Variants in SLC1A2 observed in about 807,000 individuals in gnomAD.
The protein encoded by SLC1A2 is solute carrier family 1 member 2.
SLC1A2 carries 15 observed loss-of-function variants against 48.8 expected under a neutral mutation model. The observed-to-expected ratio is 0.31, with a 90% CI of 0.21 to 0.47. SLC1A2 has a LOEUF of 0.47. Ranked by LOEUF, SLC1A2 falls within the 20% of genes least tolerant of loss-of-function variation. The pLI, the probability that SLC1A2 is intolerant of heterozygous loss-of-function variation, is 0.99. For synonymous variants in SLC1A2, 279 were observed against 272.6 expected, an observed-to-expected ratio of 1.02 and a Z score of -0.23; for missense variants, 502 against 730.5, an observed-to-expected ratio of 0.69 and a Z score of 3.61.
Position 35,304,812 on chromosome 11 carries a change from CT to C in SLC1A2, c.730+1261del, listed in dbSNP as rs377756413. Among the ~76,000 whole-genome samples, 1,462 of 151,406 alleles carry C rather than the reference CT, an allele frequency of 9.7e-3. 26 individuals are homozygous for C. Among genetic ancestry groups the C allele is most frequent in the African/African-American group, 0.033 (1,343 of 41,276 alleles). ...TTGAATTTCAGGTAAAAAATGAATA[CT>C]TTTTTTTTAGTATTATTATGTCCCA... On this transcript the variant is annotated intron_variant, in intron 5 of 10. Transcript: ENST00000278379.
Position 35,251,405 on chromosome 11 carries a change from T to C in SLC1A2, c.*9489A>G, listed in dbSNP as rs1950236500. 1 of 152,646 alleles carries C rather than the reference T, an allele frequency of 6.6e-6. No individual in the cohort carries two copies. Among genetic ancestry groups the C allele is most frequent in the Admixed American group, 6.5e-5 (1 of 15,268 alleles). 9.5% of individuals were successfully genotyped at this position (152,646 alleles called of 1,614,324 possible). On this transcript the variant is annotated 3_prime_UTR_variant, in exon 11 of 11. Coordinates refer to ENST00000278379, the MANE Select transcript of SLC1A2 (RefSeq NM_004171.4). Reference sequence around the variant, plus strand: ...AACAAAAGACCTCAACTACCCAAAATGTGCTTCATCAACAAGGCATTTTCT... The same window carrying C: ...AACAAAAGACCTCAACTACCCAAAACGTGCTTCATCAACAAGGCATTTTCT...
At chr11:35,324,892 T>C (rs1852190404) in intron 1 of SLC1A2, among the ~76,000 whole-genome samples, 1 of 152,046 alleles carries the variant, frequency 6.6e-6, no homozygotes, top group Admixed American at 6.6e-5. Context: ...ACAATGAGCC[T>C]CCAGGGCCCA....
intron 1 of SLC1A2, among the ~76,000 whole-genome samples, chr11:35,350,841 T>C (rs1230637926): frequency 6.6e-6 from 1 of 152,222 alleles, no homozygotes; most frequent in Non-Finnish European, 1.5e-5. Flanking sequence ...CCTCAATTCA[T>C]GGTCTGGAAA....
intron 1 of SLC1A2, among the ~76,000 whole-genome samples, chr11:35,365,827 A>G (rs148151233): frequency 1.9e-4 from 29 of 152,280 alleles, no homozygotes; most frequent in Middle Eastern, 3.4e-3. Context: ...AGCAATGCAT[A>G]TATGGTCTAC....
In SLC1A2 at chr11:35,251,820, G is replaced by C. The variant is rs992947926; in HGVS notation, c.*9074C>G. Reference sequence around the variant, plus strand: ...TTGGGAAAAGAGTAGGGCACTCAGGGTTCCCTATAGCACATGGCTAGTTCT... The same window carrying C: ...TTGGGAAAAGAGTAGGGCACTCAGGCTTCCCTATAGCACATGGCTAGTTCT... On this transcript the variant is annotated 3_prime_UTR_variant, in exon 11 of 11. Coordinates refer to ENST00000278379, the MANE Select transcript of SLC1A2 (RefSeq NM_004171.4). 1 of 152,606 alleles carries C rather than the reference G, an allele frequency of 6.6e-6. No homozygotes were observed. 9.5% of individuals were successfully genotyped at this position (152,606 alleles called of 1,614,324 possible).
chr11:35,322,617 T>C, intron 1 of SLC1A2: 3 of 1,535,266 alleles, frequency 2.0e-6, no homozygotes, highest in Non-Finnish European at 2.6e-6. Context: ...CTTCAGGATC[T>C]GGAGAGGTAC....
chr11:35,339,325 T>A (rs1852750133), intron 1 of SLC1A2, among the ~76,000 whole-genome samples: 1 of 152,186 alleles, frequency 6.6e-6, no homozygotes, highest in Non-Finnish European at 1.5e-5. Context: ...AGGACAGATT[T>A]TGCTGAAGAA....
chr11:35,277,525 G>C lies in SLC1A2; in HGVS notation c.1421+3342C>G, dbSNP rs142793178. Among the ~76,000 whole-genome samples the C allele has an allele frequency of 3.4e-4, 51 of 152,154 alleles. 1 individual carries two copies. Among genetic ancestry groups the C allele is most frequent in the African/African-American group, 1.2e-3 (48 of 41,520 alleles). ...TTAGTGCATTTTTTTCCACTCAAAG[G>C]CATTTGTATTATAATGGGGGGCAGC... On this transcript the variant is annotated intron_variant, in intron 9 of 10. Transcript: ENST00000278379.
At chr11:35,288,318 TA>T (rs911764596) in intron 7 of SLC1A2, among the ~76,000 whole-genome samples, 2 of 152,176 alleles carry the variant, frequency 1.3e-5, no homozygotes, top group Admixed American at 1.3e-4. Context: ...TGGTCTGGGG[TA>T]GGAAGAAGAA....
chr11:35,410,614 T>C (rs187743442), intron 1 of SLC1A2, among the ~76,000 whole-genome samples: 103 of 152,284 alleles, frequency 6.8e-4, no homozygotes, highest in African/African-American at 2.3e-3. Flanking sequence ...CTGCTGGGCA[T>C]GTTGATAAGT....
chr11:35,322,254 CCT>C (rs1336580760), intron 1 of SLC1A2, among the ~76,000 whole-genome samples: 1 of 152,168 alleles, frequency 6.6e-6, no homozygotes, highest in African/African-American at 2.4e-5. Flanking sequence ...TGCAAATCAT[CCT>C]CTGTGACTCA....
intron 7 of SLC1A2, among the ~76,000 whole-genome samples, chr11:35,288,441 T>A (rs1323273061): frequency 3.3e-5 from 5 of 152,184 alleles, no homozygotes; most frequent in Non-Finnish European, 7.3e-5. Flanking sequence ...GCTATCTTAA[T>A]GAGAAGTCAG....
chr11:35,266,637 A>G (rs963193163), intron 9 of SLC1A2, among the ~76,000 whole-genome samples: 1 of 152,212 alleles, frequency 6.6e-6, no homozygotes, highest in Non-Finnish European at 1.5e-5. Flanking sequence ...AGTGTGAAGA[A>G]TACTTTTGGC....
chr11:35,322,170 T>C (rs1160044550), intron 1 of SLC1A2, among the ~76,000 whole-genome samples: 1 of 152,160 alleles, frequency 6.6e-6, no homozygotes, highest in Admixed American at 6.5e-5. Flanking sequence ...CAGCTGTTAA[T>C]ATTGCAATCT....
chr11:35,352,125 A>G (rs529667961), intron 1 of SLC1A2: 31 of 152,072 alleles, frequency 2.0e-4, no homozygotes, highest in African/African-American at 6.8e-4. Flanking sequence ...TTGCTAACTA[A>G]GCTGACTGAC....
intron 1 of SLC1A2, among the ~76,000 whole-genome samples, chr11:35,364,839 CAGGGCTG>C (rs1320324871): frequency 1.3e-5 from 2 of 152,168 alleles, no homozygotes; most frequent in African/African-American, 2.4e-5. Flanking sequence ...GTGCCAGGTG[CAGGGCTG>C]AGGGCTTATA....
At chr11:35,349,082 A>C (rs77893639) in intron 1 of SLC1A2, among the ~76,000 whole-genome samples, 22,294 of 151,960 alleles carry the variant, frequency 0.15, 1,906 homozygotes, top group African/African-American at 0.22. Flanking sequence ...TGGGAGTGGC[A>C]AGGTTCCAAA....
intron 6 of SLC1A2, among the ~76,000 whole-genome samples, chr11:35,301,149 C>T (rs754240159): frequency 5.9e-5 from 9 of 152,162 alleles, no homozygotes; most frequent in Non-Finnish European, 1.3e-4. Context: ...ATACTGGCAC[C>T]CTGATCTTGA....
intron 9 of SLC1A2, among the ~76,000 whole-genome samples, chr11:35,279,823 A>G (rs1850566415): frequency 1.3e-5 from 2 of 152,240 alleles, no homozygotes; most frequent in Non-Finnish European, 1.5e-5. Flanking sequence ...TGCTCAGTCT[A>G]GTAGCTGGAA....
Sources: allele counts gnomAD v4.1 joint callset (sites outside exome capture counted in the v4.1 genomes callset), GRCh38; gene constraint gnomAD v4.1.1; transcripts MANE v1.5; gene names NCBI Gene and HGNC (gene_info 2026-07-23, HGNC 2026-07-21).